PEX5: variants seen among roughly 807,000 people sequenced by gnomAD.
PEX5 encodes peroxisomal biogenesis factor 5.
In PEX5, 52 loss-of-function variants were observed where a neutral mutation model predicts 82.9. The ratio of observed to expected loss-of-function variants is 0.63; its 90% CI spans 0.50 to 0.79. The LOEUF (loss-of-function observed/expected upper bound fraction) is 0.79. Ranked by LOEUF, PEX5 falls within the 30% of genes least tolerant of loss-of-function variation. The pLI is 0.00. For missense variants in PEX5, 719 were observed against 815.2 expected, an observed-to-expected ratio of 0.88 and a Z score of 1.44; for synonymous variants, 300 against 318.8, an observed-to-expected ratio of 0.94 and a Z score of 0.63.
rs147376663 is a variant in PEX5 at position 7,201,202 on chromosome 12, C to T, written c.552-549C>T. 3.0e-3 allele frequency among the ~76,000 whole-genome samples: 445 copies of T among 150,060 alleles called. 1 individual carries two copies. The highest frequency in any genetic ancestry group is 9.2e-3 in the African/African-American group (377 of 41,024). ...ATGTACACACGCATACATACACATA[C>T]ATGTGCACATACATGTATATACACA... On this transcript the variant is annotated intron_variant, in intron 6 of 15. Transcript: ENST00000675855.
chr12:7,197,211 A>ATAATGTAATTATATATGTCATATG lies in PEX5; in HGVS notation c.449-1795_449-1772dup, dbSNP rs1274717596. On this transcript the variant is annotated intron_variant, in intron 5 of 15. Transcript: ENST00000675855. ...TATAATGTAATTATATATGTCATAT[A>ATAATGTAATTATATATGTCATATG]TAATGTAATTATATATGTCATATGT... 2.5e-4 allele frequency among the ~76,000 whole-genome samples: 24 copies of ATAATGTAATTATATATGTCATATG among 94,960 alleles called. 6 individuals carry two copies. The highest frequency in any genetic ancestry group is 6.4e-4 in the African/African-American group (14 of 21,948). The allele number at this position is 94,960 out of a possible 152,430, so 62.3% of individuals were successfully genotyped here.
chr12:7,196,999 A>ATAATTATATATGTCACATATAATG (rs1351247004), intron 5 of PEX5, among the ~76,000 whole-genome samples: 2 of 15,354 alleles, frequency 1.3e-4, no homozygotes, highest in African/African-American at 3.3e-4. Context: ...ATATAATGTA[A>ATAATTATATATGTCACATATAATG]TAATTATATA....
intron 10 of PEX5, among the ~76,000 whole-genome samples, chr12:7,207,400 C>T (rs1412365432): frequency 1.3e-5 from 2 of 152,170 alleles, no homozygotes; most frequent in African/African-American, 4.8e-5. Flanking sequence ...CTAAAATAAG[C>T]TTATTTCCAG....
intron 10 of PEX5, among the ~76,000 whole-genome samples, chr12:7,206,457 G>GC (rs1291434463): frequency 5.9e-5 from 9 of 152,206 alleles, no homozygotes; most frequent in African/African-American, 2.2e-4. Flanking sequence ...CGCAGAAAAA[G>GC]TTTGCTGATC....
rs755369676 is a variant in PEX5, at chr12:7,209,784, C to G, written c.1662C>G (p.Gly554=). Residue 554 remains glycine, a synonymous_variant, in exon 15 of 16, where the codon GGC becomes GGG. Coordinates refer to ENST00000675855, the MANE Select transcript of PEX5 (RefSeq NM_001351132.2). ...GCCGGGCCCTCGAGCTCCAGCCTGG[C>G]TATATCCGGTCCCGCTATAACCTGG... The part of the protein sequence containing the change: ...AYRRALELQP[G]YIRSRYNLGI... 6.2e-7 allele frequency: 1 copy of G among 1,614,220 alleles called. No homozygotes were observed. Among genetic ancestry groups the G allele is most frequent in the South Asian group, 1.1e-5 (1 of 91,082 alleles).
At chr12:7,205,701 T>C (rs1409127383) in intron 10 of PEX5, among the ~76,000 whole-genome samples, 1 of 152,224 alleles carries the variant, frequency 6.6e-6, no homozygotes, top group Admixed American at 6.5e-5. Flanking sequence ...CCATCATCTA[T>C]GCAAATATTC....
chr12:7,192,604 G>C (rs748185155), intron 5 of PEX5, among the ~76,000 whole-genome samples: 1 of 152,068 alleles, frequency 6.6e-6, no homozygotes, highest in East Asian at 1.9e-4. Context: ...CCTTTTTCCT[G>C]TTTAAGATAT....
rs370884515 is a variant in PEX5, at chr12:7,190,863, G to A, written c.148-25G>A. The A allele has an allele frequency of 1.9e-6, 3 of 1,610,356 alleles. No individual in the cohort carries two copies. In the African/African-American group the frequency reaches 4.0e-5, roughly 22 times the overall value. ...CTGATTTTAGAGGAACTGCGTCATT[G>A]TACATCTCTGTCTTTCTCTCTTAGG... On this transcript the variant is annotated intron_variant, in intron 2 of 15. Coordinates refer to ENST00000675855, the MANE Select transcript of PEX5 (RefSeq NM_001351132.2).
Position 7,191,089 on chromosome 12 carries a change from AG to A in PEX5, c.184-136del, listed in dbSNP as rs1279911194. 1.4e-3 allele frequency: 1,625 copies of A among 1,197,760 alleles called. 11 individuals carry two copies. The African/African-American group carries it at 0.016, about 11-fold the overall frequency. The allele number at this position is 1,197,760 out of a possible 1,614,324, so 74.2% of individuals were successfully genotyped here. On this transcript the variant is annotated intron_variant, in intron 3 of 15. Coordinates refer to ENST00000675855, the MANE Select transcript of PEX5 (RefSeq NM_001351132.2). ...CGTCCTTCTAAATCTATGGAAAGAC[AG>A]TTTCTCTTTATGTGTCTCCAGTTTC...
downstream of PEX5, among the ~76,000 whole-genome samples, chr12:7,214,729 AAAAAAG>A (rs201019386): frequency 0.15 from 22,316 of 146,132 alleles, 2,035 homozygotes; most frequent in Non-Finnish European, 0.2. Context: ...TAATAAAATA[AAAAAAG>A]AATTATTCTC....
intron 5 of PEX5, among the ~76,000 whole-genome samples, chr12:7,197,795 T>C (rs760254361): frequency 6.6e-6 from 1 of 152,212 alleles, no homozygotes; most frequent in African/African-American, 2.4e-5. Context: ...TATCAGCTAA[T>C]ATTTTCACAC....
downstream of PEX5, among the ~76,000 whole-genome samples, chr12:7,215,958 AATT>A (rs1364534180): frequency 5.4e-5 from 6 of 111,218 alleles, no homozygotes; most frequent in Non-Finnish European, 1.4e-4. Context: ...TAAATATATT[AATT>A]AAATTAAAAA....
At chr12:7,190,276 G>A (rs1176660469) in intron 1 of PEX5, 86 bp from the exon 2 acceptor site, 4 of 1,590,952 alleles carry the variant, frequency 2.5e-6, no homozygotes, top group Non-Finnish European at 3.4e-6. Flanking sequence ...AGACGCCTGT[G>A]TGCCTTCCTC....
At chr12:7,203,368 C>G in intron 9 of PEX5, 64 bp from the exon 10 acceptor site, 2 of 1,547,892 alleles carry the variant, frequency 1.3e-6, no homozygotes, top group Non-Finnish European at 1.8e-6. Context: ...CCCAGCAGAG[C>G]TGAGTGTGGG....
rs1591804831 is a variant in PEX5 at position 7,209,756 on chromosome 12, A to C, written c.1634A>C (p.Tyr545Ser). ...CAGAGTGAAGAAGCAGTAGCTGCGTACCGCCGGGCCCTCGAGCTCCAGCCT... is the reference window on the plus strand; with the variant it reads ...CAGAGTGAAGAAGCAGTAGCTGCGTCCCGCCGGGCCCTCGAGCTCCAGCCT... ...GNQSEEAVAA[Y>S]RRALELQPGY... Residue 545 changes from tyrosine to serine, a missense_variant, in exon 15 of 16, where the codon TAC (tyrosine) becomes TCC (serine). Coordinates refer to ENST00000675855, the MANE Select transcript of PEX5 (RefSeq NM_001351132.2). The C allele has an allele frequency of 6.3e-7, 1 of 1,579,174 alleles. No individual in the cohort carries two copies.
chr12:7,191,452 T>C (rs1000102287), intron 4 of PEX5, 94 bp downstream of exon 4: 1 of 1,598,844 alleles, frequency 6.3e-7, no homozygotes, highest in African/African-American at 1.3e-5. Context: ...ATTGGGGACC[T>C]GAGATGCAGA....
intron 4 of PEX5, 54 bp downstream of exon 4, chr12:7,191,412 A>T (rs1275080094): frequency 6.2e-7 from 1 of 1,612,328 alleles, no homozygotes; most frequent in African/African-American, 1.3e-5. Context: ...GCCAGGGCCA[A>T]GGAAGGGGGT....
chr12:7,190,072 C>T (rs1301575010), intron 1 of PEX5: 3 of 1,498,806 alleles, frequency 2.0e-6, no homozygotes. Flanking sequence ...CCCCGGGGTC[C>T]AGGCCCCTTT....
rs1944910544 is a variant in PEX5 at position 7,207,194 on chromosome 12, A to T, written c.967-465A>T. Among the ~76,000 whole-genome samples the T allele has an allele frequency of 3.3e-5, 5 of 152,206 alleles. No homozygotes were observed. In the South Asian group the frequency reaches 1.0e-3, roughly 31 times the overall value. ...TTGACATGTGGAATGACTCTGAGCT[A>T]AGTAAGAGTTATATTTGAATAGCAG... On this transcript the variant is annotated intron_variant, in intron 10 of 15. Transcript: ENST00000675855.
Sources: gnomAD v4.1 joint callset for allele counts (sites outside exome capture counted in the v4.1 genomes callset) on GRCh38, gnomAD v4.1.1 for gene constraint, MANE v1.5 for transcripts, NCBI Gene and HGNC (gene_info 2026-07-23, HGNC 2026-07-21) for gene names.